Variants in PET117 observed in about 807,000 individuals in gnomAD.
PET117 encodes protein PET117 homolog, mitochondrial.
PET117 carries 10 observed loss-of-function variants against 9.2 expected under a neutral mutation model. The observed-to-expected ratio is 1.09, with a 90% CI of 0.67 to 1.85. The LOEUF is 1.85. Among genes scored for constraint, PET117 ranks in the 40% most tolerant of loss-of-function variants. The pLI is 0.00. For synonymous variants in PET117, 43 were observed against 37.1 expected (o/e 1.16, Z -0.57); for missense variants, 96 against 98.2 (o/e 0.98, Z 0.09).
chr20:18,138,240 C>T (rs1408961478), intron 1 of PET117, 189 bp downstream of exon 1: 3 of 1,245,206 alleles, frequency 2.4e-6, no homozygotes, highest in Admixed American at 4.3e-5. Flanking sequence ...CGCTGCAGCT[C>T]CCGGCGGGCG....
intron 1 of PET117, among the ~76,000 whole-genome samples, chr20:18,139,413 G>A (rs1038608586): frequency 2.6e-5 from 4 of 152,192 alleles, no homozygotes; most frequent in Non-Finnish European, 5.9e-5. Context: ...CTTGGCTTTG[G>A]ACCCTAACTG....
chr20:18,137,918 G>A lies in PET117; in HGVS notation c.-38G>A. The A allele has an allele frequency of 1.4e-6, 2 of 1,464,354 alleles. No individual in the cohort carries two copies. The highest frequency in any genetic ancestry group is 1.3e-5 in the South Asian group (1 of 76,672). The allele number at this position is 1,464,354 out of a possible 1,614,324, so 90.7% of individuals were successfully genotyped here. A position where few individuals can be genotyped will look rare whatever the true frequency, so the allele number is the denominator to read the frequency against. On this transcript the variant is annotated 5_prime_UTR_variant, in exon 1 of 2. Coordinates refer to ENST00000432901, the MANE Select transcript of PET117 (RefSeq NM_001164811.2). The stretch of plus-strand genomic sequence containing the variant: ...CTCTGCGGCGGCCTCTGCGCCTCGG[G>A]CGGGCGGGAGAGAGAGGCCGCGGCC...
intron 1 of PET117, among the ~76,000 whole-genome samples, chr20:18,141,023 A>ATTTTTTTTTTTTTTTTTTT (rs67633205): frequency 8.8e-4 from 43 of 48,746 alleles, no homozygotes; most frequent in Non-Finnish European, 1.0e-3. Context: ...ACTCCCTGCA[A>ATTTTTTTTTTTTTTTTTTT]TTTTTTTTTT....
chr20:18,141,834 C>T (rs1013655229), intron 1 of PET117, among the ~76,000 whole-genome samples: 2 of 152,036 alleles, frequency 1.3e-5, no homozygotes, highest in Admixed American at 6.6e-5. Context: ...CGGTGAGCTG[C>T]GGAGTGCAGC....
In PET117 at chr20:18,141,023, A is replaced by G. The variant is rs1172115427; in HGVS notation, c.97-1185A>G. Among the ~76,000 whole-genome samples the G allele has an allele frequency of 1.6e-4, 8 of 48,746 alleles. No individual in the cohort carries two copies. In the Admixed American group the frequency reaches 2.4e-3, roughly 14 times the overall value. The allele number at this position is 48,746 out of a possible 152,430, so 32.0% of individuals were successfully genotyped here. On this transcript the variant is annotated intron_variant, in intron 1 of 1. Coordinates refer to ENST00000432901, the MANE Select transcript of PET117 (RefSeq NM_001164811.2). ...CAGGCACACACCACCACTCCCTGCA[A>G]TTTTTTTTTTTTTTTTTTTTTTTAT...
intron 1 of PET117, among the ~76,000 whole-genome samples, chr20:18,141,037 T>TTTA (rs1568661491): frequency 1.8e-4 from 4 of 22,596 alleles, no homozygotes; most frequent in Non-Finnish European, 4.7e-4. Flanking sequence ...TTTTTTTTTT[T>TTTA]TTTTTTTTTA....
At chr20:18,140,955 T>G (rs1166667237) in intron 1 of PET117, among the ~76,000 whole-genome samples, 2 of 148,468 alleles carry the variant, frequency 1.3e-5, no homozygotes, top group Non-Finnish European at 3.0e-5. Flanking sequence ...CCTCCCAGGC[T>G]GAGGTGATCC....
rs780236782 is a variant in PET117 at position 18,142,191 on chromosome 20, G to C, written c.97-17G>C. The C allele has an allele frequency of 1.2e-5, 19 of 1,535,306 alleles. No homozygotes were observed. The South Asian group carries it at 1.8e-4, about 14-fold the overall frequency. The stretch of plus-strand genomic sequence containing the variant: ...CCTGTTCGGGATGTTACTGAAATCT[G>C]TTTCTTACGTTTTTAGAGGCTTCGT... On this transcript the variant is annotated splice_polypyrimidine_tract_variant and intron_variant, in intron 1 of 1. Transcript: ENST00000432901.
chr20:18,138,771 T>A (rs1437218840), intron 1 of PET117, among the ~76,000 whole-genome samples: 18 of 152,158 alleles, frequency 1.2e-4, no homozygotes. Flanking sequence ...GTCCTCTCAG[T>A]TCATATTTTC....
At position 18,137,996 on chromosome 20, in the gene PET117, T is replaced by C. The variant is rs887101414; in HGVS notation, c.41T>C (p.Leu14Pro). Residue 14 changes from leucine to proline, a missense_variant, in exon 1 of 2, where the codon CTG (leucine) becomes CCG (proline). Transcript: ENST00000432901. Reference sequence around the variant, plus strand: ...AAGGTGGTGCTGGGCCTCTCGGTGCTGCTGACGGCGGCCACAGTGGCCGGC... The same window carrying C: ...AAGGTGGTGCTGGGCCTCTCGGTGCCGCTGACGGCGGCCACAGTGGCCGGC... ...SSKVVLGLSVLLTAATVAGVH... is the reference protein window; with the variant it reads ...SSKVVLGLSVPLTAATVAGVH... 38 of 1,506,766 alleles carry C rather than the reference T, an allele frequency of 2.5e-5. No individual in the cohort carries two copies. The Admixed American group carries it at 5.3e-4, about 21-fold the overall frequency. The allele number at this position is 1,506,766 out of a possible 1,614,324, so 93.3% of individuals were successfully genotyped here. A position where few individuals can be genotyped will look rare whatever the true frequency, so the allele number is the denominator to read the frequency against.
At chr20:18,141,023 A>ATTTTTTTTTTTTTTTTTTTT (rs67633205) in intron 1 of PET117, among the ~76,000 whole-genome samples, 94 of 48,734 alleles carry the variant, frequency 1.9e-3, no homozygotes, top group Non-Finnish European at 2.4e-3. Context: ...ACTCCCTGCA[A>ATTTTTTTTTTTTTTTTTTTT]TTTTTTTTTT....
chr20:18,142,919 A>C lies in PET117; in HGVS notation c.*562A>C. On this transcript the variant is annotated 3_prime_UTR_variant, in exon 2 of 2. Coordinates refer to ENST00000432901, the MANE Select transcript of PET117 (RefSeq NM_001164811.2). Reference sequence around the variant, plus strand: ...CAAGTGCCAAAAATGGATACCAGCCAGTAAGGAGCTTCTCAATTCCTTTGA... The same window carrying C: ...CAAGTGCCAAAAATGGATACCAGCCCGTAAGGAGCTTCTCAATTCCTTTGA... 1 of 1,612,764 alleles carries C rather than the reference A, an allele frequency of 6.2e-7. No individual in the cohort carries two copies. The highest frequency in any genetic ancestry group is 8.5e-7 in the Non-Finnish European group (1 of 1,178,734).
At position 18,142,792 on chromosome 20, in the gene PET117, T is replaced by A. The variant is rs775461065; in HGVS notation, c.*435T>A. ...CGCTCCTGATCGTCGAATCCGAGGA[T>A]CAGGCATCAGTGGACTTATCGCACG... On this transcript the variant is annotated 3_prime_UTR_variant, in exon 2 of 2. Transcript: ENST00000432901. The A allele has an allele frequency of 6.2e-7, 1 of 1,614,118 alleles. No individual in the cohort carries two copies. The highest frequency in any genetic ancestry group is 2.2e-5 in the East Asian group (1 of 44,874).
chr20:18,140,861 C>G (rs373812996), intron 1 of PET117, among the ~76,000 whole-genome samples: 2 of 146,806 alleles, frequency 1.4e-5, no homozygotes, highest in African/African-American at 5.1e-5. Flanking sequence ...CAAAAAAAAC[C>G]CTATTTATTT....
chr20:18,138,499 C>T (rs138097863), intron 1 of PET117: 7 of 977,770 alleles, frequency 7.2e-6, no homozygotes, highest in Non-Finnish European at 8.5e-6. Flanking sequence ...TCCCTCCTGG[C>T]CCAAGGTTGG....
intron 1 of PET117, among the ~76,000 whole-genome samples, chr20:18,139,130 G>A (rs923999536): frequency 6.6e-6 from 1 of 152,200 alleles, no homozygotes; most frequent in Non-Finnish European, 1.5e-5. Context: ...GTGGAAATTA[G>A]AAGAGAGGAA....
rs746588449 is a variant in PET117, at chr20:18,142,778, G to A, written c.*421G>A. The A allele has an allele frequency of 8.1e-6, 13 of 1,614,146 alleles. No individual in the cohort carries two copies. The highest frequency in any genetic ancestry group is 1.0e-5 in the Non-Finnish European group (12 of 1,180,038). On this transcript the variant is annotated 3_prime_UTR_variant, in exon 2 of 2. Transcript: ENST00000432901. ...AGTGGAGGGAGAGACGCTCCTGATC[G>A]TCGAATCCGAGGATCAGGCATCAGT...
rs954796147 is a variant in PET117, at chr20:18,142,538, G to C, written c.*181G>C. 53 of 1,499,430 alleles carry C rather than the reference G, an allele frequency of 3.5e-5. No homozygotes were observed. In the African/African-American group the frequency reaches 6.8e-4, roughly 19 times the overall value. The allele number at this position is 1,499,430 out of a possible 1,614,324, so 92.9% of individuals were successfully genotyped here. ...GGGTCCCTTATATCTGAATAAAGGA[G>C]TGTGGGCAGACACTTTTTGGAAGAG... On this transcript the variant is annotated 3_prime_UTR_variant, in exon 2 of 2. Transcript: ENST00000432901.
intron 1 of PET117, among the ~76,000 whole-genome samples, chr20:18,140,942 G>C (rs886738616): frequency 2.0e-5 from 3 of 148,476 alleles, no homozygotes; most frequent in African/African-American, 5.0e-5. Context: ...ACTGCAGCCT[G>C]TGCCTCCCAG....
Sources: allele counts gnomAD v4.1 joint callset (sites outside exome capture counted in the v4.1 genomes callset), GRCh38; gene constraint gnomAD v4.1.1; transcripts MANE v1.5; gene names NCBI Gene and HGNC (gene_info 2026-07-23, HGNC 2026-07-21).